NFYC: variants seen among roughly 807,000 people sequenced by gnomAD.
The protein encoded by NFYC is nuclear transcription factor Y subunit gamma.
Under a neutral mutation model 53.1 loss-of-function variants are expected in NFYC, and 25 were observed. The ratio of observed to expected loss-of-function variants is 0.47; its 90% CI spans 0.34 to 0.66. The LOEUF is 0.66. Among genes scored for constraint, NFYC ranks in the 30% least tolerant of loss-of-function variants. The pLI, the probability that NFYC is intolerant of heterozygous loss-of-function variation, is 0.01. For missense variants in NFYC, 260 were observed against 422.7 expected (o/e 0.62, Z 3.38); for synonymous variants, 145 against 152.6 (o/e 0.95, Z 0.37).
chr1:40,769,438 G>A, intron 9 of NFYC, 23 bp downstream of exon 9: 1 of 1,612,422 alleles, frequency 6.2e-7, no homozygotes, highest in Middle Eastern at 1.7e-4. Context: ...ACCTGGGCTG[G>A]GCAGAGGGTG....
At chr1:40,719,636 A>AT (rs1229179623) in intron 1 of NFYC, among the ~76,000 whole-genome samples, 2 of 152,096 alleles carry the variant, frequency 1.3e-5, no homozygotes, top group African/African-American at 2.4e-5. Flanking sequence ...TGGTATCTTG[A>AT]TTTTTTTGGA....
chr1:40,756,692 A>G (rs1228081674), intron 5 of NFYC, among the ~76,000 whole-genome samples: 3 of 152,160 alleles, frequency 2.0e-5, no homozygotes, highest in African/African-American at 7.2e-5. Flanking sequence ...TTCTATTGGT[A>G]ACAGCTGTTG....
chr1:40,732,273 C>T (rs1388865172), intron 1 of NFYC, among the ~76,000 whole-genome samples: 6 of 152,124 alleles, frequency 3.9e-5, no homozygotes, highest in Admixed American at 3.9e-4. Flanking sequence ...TCTAAAGGTC[C>T]TGAGTTTCAG....
intron 1 of NFYC, among the ~76,000 whole-genome samples, chr1:40,694,593 T>TA (rs770823679): frequency 3.3e-5 from 5 of 152,208 alleles, no homozygotes; most frequent in Non-Finnish European, 5.9e-5. Flanking sequence ...ATCTATAACT[T>TA]AGTTTCGTTT....
chr1:40,703,068 C>T (rs1002906671), intron 1 of NFYC, among the ~76,000 whole-genome samples: 5 of 152,292 alleles, frequency 3.3e-5, no homozygotes, highest in Non-Finnish European at 5.9e-5. Flanking sequence ...CCACCCACCT[C>T]GGCCTCCCAA....
chr1:40,714,252 A>G (rs1644040294), intron 1 of NFYC, among the ~76,000 whole-genome samples: 1 of 152,208 alleles, frequency 6.6e-6, no homozygotes, highest in Non-Finnish European at 1.5e-5. Context: ...GGGTCATTTT[A>G]AGCATTTGAC....
intron 1 of NFYC, among the ~76,000 whole-genome samples, chr1:40,734,615 C>T (rs1230232976): frequency 6.6e-6 from 1 of 152,122 alleles, no homozygotes; most frequent in Non-Finnish European, 1.5e-5. Flanking sequence ...CCCGCCTTGG[C>T]CTCCCAAAGT....
At chr1:40,727,050 C>T (rs1370014822) in intron 1 of NFYC, among the ~76,000 whole-genome samples, 2 of 152,192 alleles carry the variant, frequency 1.3e-5, no homozygotes, top group Non-Finnish European at 2.9e-5. Context: ...CTTCTAATTA[C>T]AGTTCTCTTG....
chr1:40,715,363 A>G (rs1557764787), intron 1 of NFYC, among the ~76,000 whole-genome samples: 1 of 151,990 alleles, frequency 6.6e-6, no homozygotes. Context: ...AGCCTGGGCA[A>G]CAGAGTGAGA....
chr1:40,739,619 G>C lies in NFYC; in HGVS notation c.105+671G>C, dbSNP rs12566835. 5.9e-4 allele frequency among the ~76,000 whole-genome samples: 90 copies of C among 152,216 alleles called. No homozygotes were observed. In the East Asian group the frequency reaches 0.015, roughly 25 times the overall value. ...AAATCATCCCTTGTTGAGAACTACT[G>C]ACTCAGAATAATTAAATATAACCTC... On this transcript the variant is annotated intron_variant, in intron 2 of 9. Transcript: ENST00000447388.
At chr1:40,705,636 TTAG>T (rs1174464414) in intron 1 of NFYC, among the ~76,000 whole-genome samples, 23 of 152,350 alleles carry the variant, frequency 1.5e-4, no homozygotes, top group African/African-American at 5.5e-4. Flanking sequence ...TCCTAATAAT[TTAG>T]TAGTAAAATT....
At chr1:40,765,002 C>T (rs1398772706) in intron 7 of NFYC, among the ~76,000 whole-genome samples, 1 of 152,164 alleles carries the variant, frequency 6.6e-6, no homozygotes, top group African/African-American at 2.4e-5. Context: ...TACCTTCTCC[C>T]ACTCCTGGGA....
At chr1:40,742,407 A>C (rs1645399578) in intron 2 of NFYC, among the ~76,000 whole-genome samples, 1 of 152,206 alleles carries the variant, frequency 6.6e-6, no homozygotes, top group African/African-American at 2.4e-5. Flanking sequence ...CTTGGTTTAC[A>C]AGTTTGATTG....
intron 1 of NFYC, among the ~76,000 whole-genome samples, chr1:40,736,077 C>A (rs1009936723): frequency 2.0e-5 from 3 of 152,152 alleles, no homozygotes; most frequent in African/African-American, 7.2e-5. Context: ...TAACTCCCTT[C>A]AGAAACTCCA....
chr1:40,741,713 C>G (rs988218877), intron 2 of NFYC, among the ~76,000 whole-genome samples: 1 of 151,244 alleles, frequency 6.6e-6, no homozygotes, highest in African/African-American at 2.4e-5. Flanking sequence ...AGCGATCCTC[C>G]CGCCTCAGCC....
rs189079451 is a variant in NFYC, at chr1:40,694,194, G to C, written c.-9+2327G>C. ...TGGAGAGGTTTTTCAAGCATCACCA[G>C]TTCCTTAGGGTGTCCCCAAATACCA... On this transcript the variant is annotated intron_variant, in intron 1 of 9. Transcript: ENST00000447388. 4.9e-4 allele frequency among the ~76,000 whole-genome samples: 74 copies of C among 152,362 alleles called. 1 individual carries two copies. In the East Asian group the frequency reaches 0.01, roughly 21 times the overall value.
intron 1 of NFYC, among the ~76,000 whole-genome samples, chr1:40,721,900 G>T (rs1422105295): frequency 1.3e-5 from 2 of 152,094 alleles, no homozygotes; most frequent in Non-Finnish European, 2.9e-5. Flanking sequence ...GCCGGGCGCG[G>T]TGGCTCATGC....
intron 6 of NFYC, among the ~76,000 whole-genome samples, chr1:40,760,717 CAAAA>C (rs397974863): frequency 7.5e-6 from 1 of 133,200 alleles, no homozygotes; most frequent in Non-Finnish European, 1.6e-5. Flanking sequence ...GAGACTGTCT[CAAAA>C]AAAAAAAAAG....
At chr1:40,738,581 T>C (rs1052622442) in intron 1 of NFYC, among the ~76,000 whole-genome samples, 2 of 152,220 alleles carry the variant, frequency 1.3e-5, no homozygotes, top group Admixed American at 1.3e-4. Flanking sequence ...CTTACATTTC[T>C]AGCAACTTTT....
Sources: gnomAD v4.1 joint callset for allele counts (sites outside exome capture counted in the v4.1 genomes callset) on GRCh38, gnomAD v4.1.1 for gene constraint, MANE v1.5 for transcripts, NCBI Gene and HGNC (gene_info 2026-07-23, HGNC 2026-07-21) for gene names.